The following PDIA5 variants were observed in gnomAD, a reference collection of about 807,000 sequenced individuals.
PDIA5 encodes the protein protein disulfide isomerase family A member 5.
A neutral mutation model predicts 77.6 loss-of-function variants in PDIA5; 58 were observed. The observed-to-expected ratio is 0.75, with a 90% confidence interval of 0.61 to 0.93. PDIA5 has a LOEUF of 0.93. Among genes scored for constraint, PDIA5 ranks in the 40% least tolerant of loss-of-function variants. The pLI, the probability that PDIA5 is intolerant of heterozygous loss-of-function variation, is 0.00. For missense variants in PDIA5, 630 were observed against 647.7 expected, an observed-to-expected ratio of 0.97 and a Z score of 0.30; for synonymous variants, 250 against 252.1, an observed-to-expected ratio of 0.99 and a Z score of 0.08.
intron 3 of PDIA5, among the ~76,000 whole-genome samples, chr3:123,101,362 A>G (rs1305845825): frequency 2.0e-5 from 3 of 152,190 alleles, no homozygotes; most frequent in African/African-American, 7.2e-5. Context: ...GGGACCACAC[A>G]TTGAAATCCA....
chr3:123,135,873 T>A (rs1394162456), intron 11 of PDIA5, among the ~76,000 whole-genome samples: 1 of 150,818 alleles, frequency 6.6e-6, no homozygotes, highest in Non-Finnish European at 1.5e-5. Context: ...TTTTTTTTTT[T>A]AATCACATGT....
intron 14 of PDIA5, among the ~76,000 whole-genome samples, chr3:123,153,267 A>AG (rs754096980): frequency 4.6e-5 from 7 of 152,196 alleles, no homozygotes; most frequent in Admixed American, 6.5e-5. Context: ...GTTTTGAGGA[A>AG]GGGGGGTGGT....
chr3:123,075,163 C>T (rs1933820787), intron 1 of PDIA5, among the ~76,000 whole-genome samples: 2 of 152,186 alleles, frequency 1.3e-5, no homozygotes, highest in African/African-American at 4.8e-5. Context: ...TTGAAATATG[C>T]TCAATACCTA....
intron 2 of PDIA5, among the ~76,000 whole-genome samples, chr3:123,089,635 G>T (rs1022229623): frequency 3.3e-5 from 5 of 152,270 alleles, no homozygotes; most frequent in Admixed American, 6.5e-5. Flanking sequence ...TCCTGCACAG[G>T]CATGGGGCCG....
At chr3:123,149,675 T>G (rs1466405286) in intron 13 of PDIA5, among the ~76,000 whole-genome samples, 2 of 152,210 alleles carry the variant, frequency 1.3e-5, no homozygotes, top group African/African-American at 4.8e-5. Context: ...TTTTCATACA[T>G]TCTCTGCTCT....
At chr3:123,138,175 A>T (rs532690646) in intron 11 of PDIA5, among the ~76,000 whole-genome samples, 1 of 152,194 alleles carries the variant, frequency 6.6e-6, no homozygotes, top group South Asian at 2.1e-4. Flanking sequence ...CAAACTCCTG[A>T]CCTCAAGCAA....
intron 3 of PDIA5, among the ~76,000 whole-genome samples, chr3:123,100,143 G>A (rs906858448): frequency 6.6e-6 from 1 of 152,218 alleles, no homozygotes; most frequent in Non-Finnish European, 1.5e-5. Flanking sequence ...AAAGGCCAGC[G>A]AGGAAGGTGC....
chr3:123,154,297 G>A (rs193153379), intron 14 of PDIA5, among the ~76,000 whole-genome samples: 98 of 152,286 alleles, frequency 6.4e-4, no homozygotes, highest in African/African-American at 2.2e-3. Context: ...AGGGACCTGA[G>A]GACTGCCTGG....
chr3:123,161,981 T>C lies in PDIA5; in HGVS notation c.*21T>C, dbSNP rs1269763924. On this transcript the variant is annotated 3_prime_UTR_variant, in exon 17 of 17. Coordinates refer to ENST00000316218, the MANE Select transcript of PDIA5 (RefSeq NM_006810.4). ...TATAATTCCTGCCTCAGAAAAAGCT[T>C]TTCCATTACACTGTGAATGATACCT... 7.2e-7 allele frequency: 1 copy of C among 1,395,566 alleles called. No homozygotes were observed. The highest frequency in any genetic ancestry group is 1.0e-6 in the Non-Finnish European group (1 of 982,188). 86.4% of individuals were successfully genotyped at this position (1,395,566 alleles called of 1,614,324 possible).
intron 1 of PDIA5, among the ~76,000 whole-genome samples, chr3:123,080,380 C>T (rs1054182643): frequency 6.6e-6 from 1 of 152,184 alleles, no homozygotes; most frequent in Non-Finnish European, 1.5e-5. Context: ...TTTTGGGAAA[C>T]TCATCAGCCC....
intron 2 of PDIA5, among the ~76,000 whole-genome samples, chr3:123,091,382 G>A (rs984416453): frequency 2.6e-5 from 4 of 152,084 alleles, no homozygotes; most frequent in Middle Eastern, 3.2e-3. Context: ...GCAGCAGATC[G>A]CTCTCCCCAC....
Position 123,075,922 on chromosome 3 carries a change from T to C in PDIA5, c.42+8716T>C, listed in dbSNP as rs564849972. On this transcript the variant is annotated intron_variant, in intron 1 of 16. Transcript: ENST00000316218. Reference sequence around the variant, plus strand: ...TGCCAGCCGAGGTGGGTGCTCTCAATTGAGTGTGTAGCACAAGTTCTGCTC... The same window carrying C: ...TGCCAGCCGAGGTGGGTGCTCTCAACTGAGTGTGTAGCACAAGTTCTGCTC... 2.6e-5 allele frequency among the ~76,000 whole-genome samples: 4 copies of C among 152,334 alleles called. 1 individual carries two copies. Among genetic ancestry groups the C allele is most frequent in the African/African-American group, 7.2e-5 (3 of 41,582 alleles).
intron 13 of PDIA5, among the ~76,000 whole-genome samples, chr3:123,147,463 A>C (rs1216750850): frequency 6.6e-6 from 1 of 152,136 alleles, no homozygotes; most frequent in Non-Finnish European, 1.5e-5. Context: ...GTCAGATATG[A>C]GGTGTTTATT....
intron 1 of PDIA5, among the ~76,000 whole-genome samples, chr3:123,084,670 GTTC>G (rs371125299): frequency 2.6e-5 from 4 of 152,080 alleles, no homozygotes; most frequent in African/African-American, 9.7e-5. Context: ...CTGCTTCTCC[GTTC>G]TTCCACCTTT....
At position 123,119,321 on chromosome 3, in the gene PDIA5, C is replaced by T. The variant is rs1020163725; in HGVS notation, c.609+3023C>T. 4.6e-5 allele frequency among the ~76,000 whole-genome samples: 7 copies of T among 152,236 alleles called. No homozygotes were observed. In the East Asian group the frequency reaches 1.4e-3, roughly 29 times the overall value. ...CTAGAAATATAAAAGTTACCCATTC[C>T]AGTTCCCTCAACATTACAGAAAAGT... On this transcript the variant is annotated intron_variant, in intron 8 of 16. Coordinates refer to ENST00000316218, the MANE Select transcript of PDIA5 (RefSeq NM_006810.4).
chr3:123,114,196 T>G (rs1233456059), intron 7 of PDIA5, among the ~76,000 whole-genome samples: 1 of 152,160 alleles, frequency 6.6e-6, no homozygotes, highest in African/African-American at 2.4e-5. Context: ...AGACAGATAG[T>G]AAATAAAGTT....
At chr3:123,143,639 C>T (rs1335681995) in intron 11 of PDIA5, among the ~76,000 whole-genome samples, 1 of 152,152 alleles carries the variant, frequency 6.6e-6, no homozygotes, top group African/African-American at 2.4e-5. Flanking sequence ...GATGCCTTTT[C>T]TACCCTTTCT....
At chr3:123,142,057 G>A (rs1324657924) in intron 11 of PDIA5, among the ~76,000 whole-genome samples, 4 of 152,186 alleles carry the variant, frequency 2.6e-5, no homozygotes, top group Non-Finnish European at 4.4e-5. Flanking sequence ...GGAAGGGGAG[G>A]AGAGGCTTTT....
intron 11 of PDIA5, among the ~76,000 whole-genome samples, chr3:123,137,948 T>C (rs1418610317): frequency 6.6e-6 from 1 of 152,164 alleles, no homozygotes; most frequent in Non-Finnish European, 1.5e-5. Context: ...TTGTGCCAGG[T>C]GGGAGGAAGG....
Sources: gnomAD v4.1 joint callset for allele counts (sites outside exome capture counted in the v4.1 genomes callset) on GRCh38, gnomAD v4.1.1 for gene constraint, MANE v1.5 for transcripts, NCBI Gene and HGNC (gene_info 2026-07-23, HGNC 2026-07-21) for gene names.